Variants in XPOT observed in about 807,000 individuals in gnomAD.
The protein encoded by XPOT is exportin for tRNA, also known as exportin-T.
In XPOT, 34 loss-of-function variants were observed where a neutral mutation model predicts 128.2. That is an observed-to-expected ratio of 0.27 (90% CI 0.20 to 0.35). XPOT has a LOEUF of 0.35. Ranked by LOEUF, XPOT falls within the 10% of genes least tolerant of loss-of-function variation. XPOT has a pLI of 1.00. For missense variants in XPOT, 838 were observed against 1,125.3 expected (o/e 0.74, Z 3.65); for synonymous variants, 348 against 394.3 (o/e 0.88, Z 1.39).
chr12:64,406,874 A>G (rs1311146852), intron 1 of XPOT, among the ~76,000 whole-genome samples: 8 of 152,106 alleles, frequency 5.3e-5, no homozygotes, highest in African/African-American at 1.9e-4. Context: ...AAAAATGCTG[A>G]TCTGGTATAA....
Position 64,431,659 on chromosome 12 carries a change from C to A in XPOT, c.2098C>A (p.Leu700Ile). Residue 700 changes from leucine (L) to isoleucine (I), a missense_variant, in exon 18 of 25, where the codon CTC becomes ATC. Physicochemically the swap from Leu to Ile is conservative, Grantham distance 5. Transcript: ENST00000332707. ...ALSCPLQKDILRSGVRTFLHR... is the reference protein window; with the variant it reads ...ALSCPLQKDIIRSGVRTFLHR... ...CAGTTGTCCCTTACAAAAGGATATT[C>A]TCAGAAGTGGAGTCCGTACTTTCCT... 3.1e-6 allele frequency: 5 copies of A among 1,613,896 alleles called. No individual in the cohort carries two copies. Among genetic ancestry groups the A allele is most frequent in the Non-Finnish European group, 4.2e-6 (5 of 1,179,844 alleles).
At chr12:64,418,192 C>T (rs2136017350) in intron 5 of XPOT, 77 bp downstream of exon 5, 1 of 1,242,014 alleles carries the variant, frequency 8.1e-7, no homozygotes, top group South Asian at 1.3e-5. Flanking sequence ...TGGAACTTTA[C>T]CTCAAAGATT....
rs963217161 is a variant in XPOT, at chr12:64,449,081, G to C, written c.*950G>C. 6.6e-6 allele frequency: 1 copy of C among 152,142 alleles called. No individual in the cohort carries two copies. 9.4% of individuals were successfully genotyped at this position (152,142 alleles called of 1,614,324 possible). ...GTGATGGTGCACGCTCGTAATCCCG[G>C]CTACTCAGGAGGCTGAGGCAGGAGA... On this transcript the variant is annotated 3_prime_UTR_variant, in exon 25 of 25. Transcript: ENST00000332707.
chr12:64,414,651 G>A (rs2040070996), intron 2 of XPOT, among the ~76,000 whole-genome samples: 1 of 152,080 alleles, frequency 6.6e-6, no homozygotes, highest in Non-Finnish European at 1.5e-5. Context: ...AAGGCTGCGG[G>A]GCATTTTTGT....
intron 7 of XPOT, 39 bp from the exon 8 acceptor site, chr12:64,420,314 G>T: frequency 1.2e-6 from 2 of 1,601,386 alleles, no homozygotes; most frequent in Non-Finnish European, 1.7e-6. Flanking sequence ...TAAAACTCAT[G>T]ACTTTGAAAA....
chr12:64,422,010 A>G lies in XPOT; in HGVS notation c.1080+539A>G, dbSNP rs1592330304. On this transcript the variant is annotated intron_variant, in intron 9 of 24. Transcript: ENST00000332707. The stretch of plus-strand genomic sequence containing the variant: ...TACTTTTAGTAGACAGGGTTTCTCC[A>G]TGTTGGTCAGGCTGGTCTTGAACTC... Among the ~76,000 whole-genome samples, 4 of 152,192 alleles carry G rather than the reference A, an allele frequency of 2.6e-5. No homozygotes were observed. In the South Asian group the frequency reaches 8.3e-4, roughly 32 times the overall value.
chr12:64,424,527 T>G, intron 11 of XPOT, 72 bp from the exon 12 acceptor site: 1 of 1,567,200 alleles, frequency 6.4e-7, no homozygotes. Context: ...TAGGTATACA[T>G]GTAGCCATGG....
chr12:64,438,931 G>T (rs969449759), intron 22 of XPOT, among the ~76,000 whole-genome samples: 1 of 152,122 alleles, frequency 6.6e-6, no homozygotes, highest in Admixed American at 6.6e-5. Flanking sequence ...ACCCGGCCAA[G>T]AACCTTATTT....
chr12:64,405,530 G>C (rs2039971300), intron 1 of XPOT, among the ~76,000 whole-genome samples: 2 of 152,212 alleles, frequency 1.3e-5, no homozygotes, highest in African/African-American at 4.8e-5. Context: ...GAAAAGTTAA[G>C]GCTTAATATT....
At chr12:64,432,407 G>A (rs897443537) in intron 18 of XPOT, among the ~76,000 whole-genome samples, 5 of 151,926 alleles carry the variant, frequency 3.3e-5, no homozygotes, top group South Asian at 2.1e-4. Flanking sequence ...ACCACACCAC[G>A]CTAATATTTT....
intron 19 of XPOT, among the ~76,000 whole-genome samples, chr12:64,434,101 C>T (rs1246939970): frequency 6.6e-6 from 1 of 152,146 alleles, no homozygotes; most frequent in Non-Finnish European, 1.5e-5. Context: ...TTGCAACCTC[C>T]ACCTCCTGGG....
chr12:64,446,040 T>C (rs1223965440), intron 24 of XPOT, among the ~76,000 whole-genome samples: 1 of 152,152 alleles, frequency 6.6e-6, no homozygotes, highest in Non-Finnish European at 1.5e-5. Context: ...TCTCAGAGTT[T>C]TTGTGGAAGA....
At chr12:64,415,059 G>A in intron 3 of XPOT, 70 bp downstream of exon 3, 1 of 899,514 alleles carries the variant, frequency 1.1e-6, no homozygotes, top group Middle Eastern at 3.3e-4. Flanking sequence ...AAATTTACCT[G>A]TATTTGGAAA....
chr12:64,408,970 G>C (rs1479311703), intron 1 of XPOT, among the ~76,000 whole-genome samples: 3 of 152,080 alleles, frequency 2.0e-5, no homozygotes, highest in Non-Finnish European at 1.5e-5. Context: ...ACTGTAGCTG[G>C]CTGGTTTGTG....
chr12:64,424,816 A>G (rs1272261149), intron 12 of XPOT, 93 bp downstream of exon 12: 7 of 1,488,480 alleles, frequency 4.7e-6, no homozygotes, highest in Admixed American at 2.0e-5. Context: ...TTATTAATCC[A>G]TGTTACTTAT....
intron 3 of XPOT, 72 bp from the exon 4 acceptor site, chr12:64,416,626 T>A: frequency 7.9e-7 from 1 of 1,267,420 alleles, no homozygotes; most frequent in East Asian, 2.3e-5. Context: ...TATTACTCAT[T>A]ACTATTTTGC....
rs747060105 is a variant in XPOT at position 64,434,545 on chromosome 12, C to G, written c.2491C>G (p.Gln831Glu). ...NVERVLVTVIQGAVEYPDPIA... is the reference protein window; with the variant it reads ...NVERVLVTVIEGAVEYPDPIA... ...AGAAAGAGTGTTGGTTACTGTTATC[C>G]AAGGAGCAGTTGAATATCCAGATCC... is the stretch of plus-strand genomic sequence containing the variant. The change falls in exon 20 of 25, where the codon CAA becomes GAA. Residue 831 changes from glutamine (Q) to glutamate (E), a missense_variant. Physicochemically the swap from Gln to Glu is conservative, Grantham distance 29. Coordinates refer to ENST00000332707, the MANE Select transcript of XPOT (RefSeq NM_007235.6). 2.8e-5 allele frequency: 45 copies of G among 1,613,582 alleles called. No homozygotes were observed. Among genetic ancestry groups the G allele is most frequent in the Non-Finnish European group, 3.8e-5 (45 of 1,179,810 alleles).
chr12:64,430,140 C>T lies in XPOT; in HGVS notation c.1829C>T (p.Ala610Val). The change falls in exon 17 of 25, where the codon GCA becomes GTA. Residue 610 changes from alanine (A) to valine (V), a missense_variant. This residue lies in a region of XPOT where 761 missense variants were observed against 988.3 expected (regional missense o/e 0.77). Transcript: ENST00000332707. ...CTGATTGTTAATAGTGAATATCCGG[C>T]AGAAAGGAAACAAGCCTTAATGAGG... ...GVLIVNSEYPAERKQALMRNL... is the reference protein window; with the variant it reads ...GVLIVNSEYPVERKQALMRNL... 6.2e-7 allele frequency: 1 copy of T among 1,613,728 alleles called. No individual in the cohort carries two copies. Among genetic ancestry groups the T allele is most frequent in the Non-Finnish European group, 8.5e-7 (1 of 1,179,836 alleles).
chr12:64,422,571 T>C (rs758509690), intron 9 of XPOT, among the ~76,000 whole-genome samples: 6 of 152,112 alleles, frequency 3.9e-5, no homozygotes, highest in Non-Finnish European at 7.4e-5. Context: ...TAAACTGCCC[T>C]CCAAAAAAGT....
Sources: gnomAD v4.1 joint callset for allele counts (sites outside exome capture counted in the v4.1 genomes callset) on GRCh38, gnomAD v4.1.1 for gene constraint, gnomAD v4.1.1 regional missense constraint, MANE v1.5 for transcripts, NCBI Gene and HGNC (gene_info 2026-07-23, HGNC 2026-07-21) for gene names.